BICC1: variants seen among roughly 807,000 people sequenced by gnomAD.
The protein encoded by BICC1 is protein bicaudal C homolog 1.
BICC1 carries 43 observed loss-of-function variants against 111.0 expected under a neutral mutation model. The ratio of observed to expected loss-of-function variants is 0.39; its 90% confidence interval spans 0.30 to 0.50. The LOEUF is 0.50. BICC1 is among the 20% of genes least tolerant of loss of function. The pLI is 0.88. For synonymous variants in BICC1, 467 were observed against 434.4 expected, an observed-to-expected ratio of 1.07 and a Z score of -0.93; for missense variants, 1,091 against 1,203.2, an observed-to-expected ratio of 0.91 and a Z score of 1.38.
intron 3 of BICC1, among the ~76,000 whole-genome samples, chr10:58,756,626 CTTTTTTTTTTT>C (rs66709538): frequency 4.6e-4 from 63 of 135,898 alleles, no homozygotes; most frequent in African/African-American, 1.6e-3. Flanking sequence ...AACTACTAGC[CTTTTTTTTTTT>C]TTTTTTTTTT....
At chr10:58,564,034 GGAGA>G (rs1164610988) in intron 1 of BICC1, among the ~76,000 whole-genome samples, 1 of 152,084 alleles carries the variant, frequency 6.6e-6, no homozygotes, top group Non-Finnish European at 1.5e-5. Flanking sequence ...CAAAGTTGAA[GGAGA>G]GTGAAAGCTG....
chr10:58,800,834 C>T, intron 13 of BICC1, 56 bp from the exon 14 acceptor site: 2 of 1,492,728 alleles, frequency 1.3e-6, no homozygotes, highest in Middle Eastern at 3.6e-4. Context: ...AGATAATTGT[C>T]AACTGGAAGG....
intron 2 of BICC1, chr10:58,648,727 T>G: frequency 1.2e-6 from 1 of 859,698 alleles, no homozygotes; most frequent in Non-Finnish European, 1.4e-6. Flanking sequence ...ATAATGCTAC[T>G]TGCTACTCCT....
chr10:58,528,610 T>C (rs1020482619), intron 1 of BICC1, among the ~76,000 whole-genome samples: 1 of 151,890 alleles, frequency 6.6e-6, no homozygotes, highest in African/African-American at 2.4e-5. Context: ...AAAATTATCA[T>C]TGAGTTATTT....
At chr10:58,751,029 A>G (rs1420887329) in intron 3 of BICC1, among the ~76,000 whole-genome samples, 3 of 152,180 alleles carry the variant, frequency 2.0e-5, no homozygotes, top group East Asian at 1.9e-4. Flanking sequence ...GCCCTAGGGA[A>G]TAAACTCTTA....
At chr10:58,643,229 G>T (rs1003926290) in intron 2 of BICC1, among the ~76,000 whole-genome samples, 1 of 152,186 alleles carries the variant, frequency 6.6e-6, no homozygotes, top group Non-Finnish European at 1.5e-5. Flanking sequence ...CTCAGATCGG[G>T]ACAGAAGCAT....
intron 1 of BICC1, among the ~76,000 whole-genome samples, chr10:58,562,669 T>G (rs553428114): frequency 6.6e-6 from 1 of 152,314 alleles, no homozygotes; most frequent in East Asian, 1.9e-4. Flanking sequence ...AGGTGTCATA[T>G]TCCTTGCTTT....
chr10:58,775,419 A>C (rs1283441062), intron 3 of BICC1, among the ~76,000 whole-genome samples: 3 of 152,140 alleles, frequency 2.0e-5, no homozygotes, highest in Non-Finnish European at 2.9e-5. Context: ...AACAAAAAAA[A>C]ACATTTAAGC....
At chr10:58,531,456 A>T (rs999258896) in intron 1 of BICC1, among the ~76,000 whole-genome samples, 2 of 151,804 alleles carry the variant, frequency 1.3e-5, no homozygotes, top group South Asian at 4.1e-4. Context: ...TCCATCCAAA[A>T]CCAGTCTGTA....
chr10:58,694,671 A>G (rs1255587203), intron 2 of BICC1, among the ~76,000 whole-genome samples: 1 of 152,070 alleles, frequency 6.6e-6, no homozygotes, highest in Non-Finnish European at 1.5e-5. Context: ...AAACCTCCTA[A>G]TCGCTGTTAA....
intron 3 of BICC1, among the ~76,000 whole-genome samples, chr10:58,781,064 G>A (rs1016905635): frequency 1.3e-5 from 2 of 152,228 alleles, no homozygotes; most frequent in South Asian, 2.1e-4. Context: ...CTATTACTTA[G>A]AGAAGGTTGG....
chr10:58,684,939 CTAGT>C (rs1269731398), intron 2 of BICC1, among the ~76,000 whole-genome samples: 1 of 152,110 alleles, frequency 6.6e-6, no homozygotes, highest in Non-Finnish European at 1.5e-5. Flanking sequence ...TCTTGCTTCT[CTAGT>C]TCTTTTAATT....
At chr10:58,696,054 G>C (rs1285270378) in intron 2 of BICC1, among the ~76,000 whole-genome samples, 1 of 151,984 alleles carries the variant, frequency 6.6e-6, no homozygotes, top group East Asian at 1.9e-4. Flanking sequence ...TGTAATTCTA[G>C]CTTTTGTAAA....
chr10:58,829,319 A>AATAATCAAAGT lies in BICC1; in HGVS notation c.*429_*439dup, dbSNP rs1686310408. On this transcript the variant is annotated 3_prime_UTR_variant, in exon 21 of 21. Coordinates refer to ENST00000373886, the MANE Select transcript of BICC1 (RefSeq NM_001080512.3). ...TTTGGGTATTTGGGGATTTTTAAAA[A>AATAATCAAAGT]ATAATCAAAGTGGAATTTTCTGGTA... is the stretch of plus-strand genomic sequence containing the variant. 1 of 151,954 alleles carries AATAATCAAAGT rather than the reference A, an allele frequency of 6.6e-6. No individual in the cohort carries two copies. The allele number at this position is 151,954 out of a possible 1,614,324, so 9.4% of individuals were successfully genotyped here.
At chr10:58,801,124 CTT>C (rs1215262828) in intron 14 of BICC1, 78 bp downstream of exon 14, 1 of 1,255,352 alleles carries the variant, frequency 8.0e-7, no homozygotes, top group Non-Finnish European at 1.0e-6. Flanking sequence ...AGTTAGTACT[CTT>C]TGATTCAAGT....
intron 2 of BICC1, among the ~76,000 whole-genome samples, chr10:58,670,642 T>G (rs1839155578): frequency 6.6e-6 from 1 of 152,172 alleles, no homozygotes; most frequent in Non-Finnish European, 1.5e-5. Flanking sequence ...TTTACTGAAA[T>G]AAAGACTTGT....
chr10:58,722,743 AG>A (rs1200328759), intron 3 of BICC1, among the ~76,000 whole-genome samples: 2 of 152,344 alleles, frequency 1.3e-5, no homozygotes, highest in East Asian at 3.9e-4. Context: ...GGTAATAGAT[AG>A]GGTAGTTTCT....
In BICC1 at chr10:58,806,793, A is replaced by G. The variant is rs542226994; in HGVS notation, c.2221+170A>G. Among the ~76,000 whole-genome samples, 4 of 152,340 alleles carry G rather than the reference A, an allele frequency of 2.6e-5. No individual in the cohort carries two copies. In the South Asian group the frequency reaches 8.3e-4, roughly 32 times the overall value. ...AATATATTTTGTTGAATGGTTTAGC[A>G]TTAGACCAATTAAGAAATCATTTAG... is the stretch of plus-strand genomic sequence containing the variant. On this transcript the variant is annotated intron_variant, in intron 16 of 20. Transcript: ENST00000373886.
intron 1 of BICC1, among the ~76,000 whole-genome samples, chr10:58,526,925 T>C (rs184246854): frequency 2.0e-3 from 301 of 152,342 alleles, no homozygotes; most frequent in African/African-American, 6.9e-3. Flanking sequence ...TGATTTATAA[T>C]CCTTTGGGTA....
Sources: gnomAD v4.1 joint callset for allele counts (sites outside exome capture counted in the v4.1 genomes callset) on GRCh38, gnomAD v4.1.1 for gene constraint, MANE v1.5 for transcripts, NCBI Gene and HGNC (gene_info 2026-07-23, HGNC 2026-07-21) for gene names.